CCM2: variants seen among roughly 807,000 people sequenced by gnomAD.
CCM2 encodes CCM2 scaffold protein.
In CCM2, 25 loss-of-function variants were observed where a neutral mutation model predicts 44.9. The ratio of observed to expected loss-of-function variants is 0.56; its 90% CI spans 0.41 to 0.78. CCM2 has a LOEUF of 0.78. CCM2 is among the 30% of genes least tolerant of loss of function. The pLI is 0.00. For missense variants in CCM2, 481 were observed against 580.6 expected (o/e 0.83, Z 1.76); for synonymous variants, 219 against 241.1 (o/e 0.91, Z 0.85).
chr7:45,000,245 G>T lies in CCM2; in HGVS notation c.-89G>T, dbSNP rs1443667700. 2 of 839,054 alleles carry T rather than the reference G, an allele frequency of 2.4e-6. No individual in the cohort carries two copies. Among genetic ancestry groups the T allele is most frequent in the East Asian group, 1.1e-4 (1 of 9,404 alleles). 52.0% of individuals were successfully genotyped at this position (839,054 alleles called of 1,614,324 possible). Reference sequence around the variant, plus strand: ...GGCGGGCGGCGCCGGGAGCGCGGGGGCGGCGGGCCCGGGTCGAGCATGTAG... The same window carrying T: ...GGCGGGCGGCGCCGGGAGCGCGGGGTCGGCGGGCCCGGGTCGAGCATGTAG... On this transcript the variant is annotated 5_prime_UTR_variant, in exon 1 of 10. Transcript: ENST00000258781.
intron 2 of CCM2, among the ~76,000 whole-genome samples, chr7:45,052,564 G>C (rs1054629784): frequency 6.6e-6 from 1 of 152,194 alleles, no homozygotes; most frequent in Admixed American, 6.5e-5. Context: ...ATGTACTGTT[G>C]TCCATCCCAC....
chr7:45,068,124 C>A (rs1798872951), intron 4 of CCM2: 2 of 422,110 alleles, frequency 4.7e-6, no homozygotes, highest in Admixed American at 3.5e-5. Flanking sequence ...GGGAACTCCC[C>A]AGAACACATG....
At chr7:45,022,872 C>A (rs1043337920) in intron 1 of CCM2, among the ~76,000 whole-genome samples, 3 of 151,970 alleles carry the variant, frequency 2.0e-5, no homozygotes, top group Admixed American at 1.3e-4. Context: ...TCTCGAGTAG[C>A]TGGGATTACA....
At chr7:45,042,345 AAG>A (rs1797552887) in intron 2 of CCM2, among the ~76,000 whole-genome samples, 1 of 151,998 alleles carries the variant, frequency 6.6e-6, no homozygotes, top group Middle Eastern at 3.2e-3. Flanking sequence ...AAGTCCTGAA[AAG>A]AGAGGAGAAA....
intron 4 of CCM2, chr7:45,068,025 G>A (rs375272881): frequency 3.7e-5 from 10 of 271,316 alleles, no homozygotes; most frequent in East Asian, 1.8e-4. Context: ...GGGTCTGACC[G>A]TCTAGATTGC....
chr7:45,076,038 T>C lies in CCM2; in HGVS notation c.1316T>C (p.Met439Thr). 1 of 1,613,014 alleles carries C rather than the reference T, an allele frequency of 6.2e-7. No individual in the cohort carries two copies. The highest frequency in any genetic ancestry group is 8.5e-7 in the Non-Finnish European group (1 of 1,180,020). Residue 439 changes from methionine to threonine, a missense_variant, in exon 10 of 10, where the codon ATG (methionine) becomes ACG (threonine). Met to Thr is a moderately conservative substitution (Grantham distance 81). Coordinates refer to ENST00000258781, the MANE Select transcript of CCM2 (RefSeq NM_031443.4). Reference sequence around the variant, plus strand: ...GACATTGAGGCGCTGGGCTGCAGCATGGACCAGGACTCAGCATGATGGACA... The same window carrying C: ...GACATTGAGGCGCTGGGCTGCAGCACGGACCAGGACTCAGCATGATGGACA... ...SSDIEALGCS[M>T]DQDSA is the part of the protein sequence containing the mutation.
chr7:45,045,728 TTGCAGTGAGCCCAGATCATGCCGC>T (rs1214438156), intron 2 of CCM2, among the ~76,000 whole-genome samples: 1 of 152,118 alleles, frequency 6.6e-6, no homozygotes, highest in Non-Finnish European at 1.5e-5. Flanking sequence ...GAGGCGGAGC[TTGCAGTGAGCCCAGATCATGCCGC>T]TGCACTCCAG....
intron 2 of CCM2, among the ~76,000 whole-genome samples, chr7:45,061,866 C>A (rs1415438077): frequency 6.6e-6 from 1 of 152,190 alleles, no homozygotes; most frequent in South Asian, 2.1e-4. Flanking sequence ...CCCTGAGAGC[C>A]TGGTGGGGCT....
chr7:45,019,628 G>A (rs1562864908), intron 1 of CCM2, among the ~76,000 whole-genome samples: 1 of 152,050 alleles, frequency 6.6e-6, no homozygotes, highest in African/African-American at 2.4e-5. Context: ...TGTTACCCAG[G>A]TTAGAGTGCA....
At chr7:45,072,864 A>G in intron 7 of CCM2, 81 bp downstream of exon 7, 1 of 1,178,314 alleles carries the variant, frequency 8.5e-7, no homozygotes, top group Non-Finnish European at 1.3e-6. Context: ...GCAGCCAGTC[A>G]GCTCCCCCAT....
At chr7:45,046,689 A>G (rs1485684008) in intron 2 of CCM2, among the ~76,000 whole-genome samples, 2 of 152,258 alleles carry the variant, frequency 1.3e-5, no homozygotes, top group African/African-American at 2.4e-5. Flanking sequence ...CAGAGTTCTG[A>G]GACTTGATAC....
intron 1 of CCM2, among the ~76,000 whole-genome samples, chr7:45,023,947 GT>G (rs1427395230): frequency 6.6e-6 from 1 of 151,662 alleles, no homozygotes; most frequent in Non-Finnish European, 1.5e-5. Flanking sequence ...AGTAGCTGGG[GT>G]TACAGACATG....
At chr7:45,029,808 C>T (rs1352491489) in intron 1 of CCM2, among the ~76,000 whole-genome samples, 1 of 152,248 alleles carries the variant, frequency 6.6e-6, no homozygotes, top group Non-Finnish European at 1.5e-5. Context: ...GGCATTCTCA[C>T]TAGGTAAGCC....
chr7:44,999,799 T>TGCTCCCGCGCGC (rs61705125), upstream of CCM2: 2 of 443,416 alleles, frequency 4.5e-6, no homozygotes, highest in Non-Finnish European at 9.0e-6. Context: ...AAGTTGGAGC[T>TGCTCCCGCGCGC]GCTCCCGCGC....
chr7:45,029,071 G>A (rs1796833953), intron 1 of CCM2, among the ~76,000 whole-genome samples: 1 of 152,148 alleles, frequency 6.6e-6, no homozygotes, highest in South Asian at 2.1e-4. Flanking sequence ...TGAGTTTGGT[G>A]CCTCTTCCAG....
chr7:45,019,059 C>CTT (rs34045609), intron 1 of CCM2, among the ~76,000 whole-genome samples: 381 of 93,188 alleles, frequency 4.1e-3, no homozygotes, highest in African/African-American at 5.0e-3. Flanking sequence ...TGCGCCTGGC[C>CTT]TTTTTTTTTT....
At chr7:45,033,044 CAAA>C (rs60956411) in intron 1 of CCM2, among the ~76,000 whole-genome samples, 124 of 58,074 alleles carry the variant, frequency 2.1e-3, no homozygotes, top group African/African-American at 8.0e-3. Context: ...AACTCCGTCT[CAAA>C]AAAAAAAAAA....
rs1381782243 is a variant in CCM2, at chr7:45,072,794, A to G, written c.803+11A>G. 1 of 1,609,032 alleles carries G rather than the reference A, an allele frequency of 6.2e-7. No individual in the cohort carries two copies. The highest frequency in any genetic ancestry group is 8.5e-7 in the Non-Finnish European group (1 of 1,177,104). Reference sequence around the variant, plus strand: ...GGAAGCCAGCACTTTGTGAGTGCACATGCCACCAAGCCCTGCGGTGGGACA... The same window carrying G: ...GGAAGCCAGCACTTTGTGAGTGCACGTGCCACCAAGCCCTGCGGTGGGACA... On this transcript the variant is annotated intron_variant, in intron 7 of 9. Coordinates refer to ENST00000258781, the MANE Select transcript of CCM2 (RefSeq NM_031443.4).
rs1475159770 is a variant in CCM2 at position 45,025,947 on chromosome 7, T to A, written c.31-12306T>A. On this transcript the variant is annotated intron_variant, in intron 1 of 9. Transcript: ENST00000258781. ...CCTGTGCCTGTCTCTTCCCATTTGT[T>A]CTTTGGCTTTTCTCTCTCATGCTGA... Among the ~76,000 whole-genome samples, 4 of 152,234 alleles carry A rather than the reference T, an allele frequency of 2.6e-5. No homozygotes were observed. The East Asian group carries it at 7.7e-4, about 29-fold the overall frequency.
Sources: allele counts gnomAD v4.1 joint callset (sites outside exome capture counted in the v4.1 genomes callset), GRCh38; gene constraint gnomAD v4.1.1; transcripts MANE v1.5; gene names NCBI Gene and HGNC (gene_info 2026-07-23, HGNC 2026-07-21).